RALGPS1: variants seen among roughly 807,000 people sequenced by gnomAD.
RALGPS1 encodes the protein Ral GEF with PH domain and SH3 binding motif 1.
Under a neutral mutation model 78.8 loss-of-function variants are expected in RALGPS1, and 19 were observed. That is an observed-to-expected ratio of 0.24 (90% CI 0.17 to 0.35). RALGPS1 has a LOEUF of 0.35. RALGPS1 is among the 10% of genes least tolerant of loss of function. RALGPS1 has a pLI of 1.00. For missense variants in RALGPS1, 454 were observed against 688.3 expected (o/e 0.66, Z 3.81); for synonymous variants, 228 against 256.3 (o/e 0.89, Z 1.06).
At chr9:126,920,771 C>A (rs1048107877) in intron 1 of RALGPS1, among the ~76,000 whole-genome samples, 21 of 152,164 alleles carry the variant, frequency 1.4e-4, no homozygotes, top group Non-Finnish European at 2.5e-4. Context: ...TTGTCCCTGC[C>A]CTTTGGGATC....
In RALGPS1 at chr9:127,211,285, G is replaced by T. The variant is rs1000414993; in HGVS notation, c.1248-846G>T. On this transcript the variant is annotated intron_variant, in intron 14 of 18. Transcript: ENST00000259351. The surrounding 1 kb of genome is among the most constrained non-coding windows in gnomAD (Gnocchi z 5.0). ...CTGTGGGCAGGTGGAGGAGAGGAGA[G>T]GGGGAGGGTGGAGGCACTGGCCGGT... Among the ~76,000 whole-genome samples, 1 of 152,192 alleles carries T rather than the reference G, an allele frequency of 6.6e-6. No homozygotes were observed. The highest frequency in any genetic ancestry group is 2.4e-5 in the African/African-American group (1 of 41,444).
At chr9:127,202,305 C>G (rs1015248398) in intron 14 of RALGPS1, among the ~76,000 whole-genome samples, 2 of 152,130 alleles carry the variant, frequency 1.3e-5, no homozygotes, top group Non-Finnish European at 2.9e-5. Flanking sequence ...CTCTGCATGC[C>G]CGTCTGGTGA....
At chr9:127,196,411 G>C in intron 12 of RALGPS1, 63 bp from the exon 13 acceptor site, 4 of 1,556,016 alleles carry the variant, frequency 2.6e-6, no homozygotes, top group Non-Finnish European at 3.5e-6. Flanking sequence ...CCCCAGGCAG[G>C]TGTAACCACT....
At chr9:127,135,457 G>C (rs532439117) in intron 8 of RALGPS1, among the ~76,000 whole-genome samples, 15 of 152,106 alleles carry the variant, frequency 9.9e-5, no homozygotes, top group African/African-American at 3.4e-4. Flanking sequence ...CCAGCCCAGA[G>C]CAGGGGCCAG....
At position 127,058,076 on chromosome 9, in the gene RALGPS1, G is replaced by A. The variant is rs536991058; in HGVS notation, c.483+5137G>A. ...CCTGAATGACAAAAAAGAACCAGTC[G>A]TGCCAAGATGAGGGGATGAGTGTTC... On this transcript the variant is annotated intron_variant, in intron 7 of 18. Transcript: ENST00000259351. 2.0e-4 allele frequency among the ~76,000 whole-genome samples: 31 copies of A among 152,280 alleles called. No individual in the cohort carries two copies. The South Asian group carries it at 4.6e-3, about 22-fold the overall frequency.
intron 5 of RALGPS1, among the ~76,000 whole-genome samples, chr9:127,037,343 C>T (rs1342931738): frequency 1.3e-5 from 2 of 152,228 alleles, no homozygotes. Context: ...CTAGGCCGTG[C>T]TGCTAACCTG....
At chr9:126,942,236 A>C (rs1220989494) in intron 1 of RALGPS1, among the ~76,000 whole-genome samples, 11 of 150,822 alleles carry the variant, frequency 7.3e-5, no homozygotes, top group Admixed American at 7.3e-4. Flanking sequence ...TTTTAATTTT[A>C]ATGTAGCTAA....
intron 1 of RALGPS1, among the ~76,000 whole-genome samples, chr9:126,937,067 C>G (rs573591579): frequency 1.3e-5 from 2 of 152,090 alleles, no homozygotes; most frequent in African/African-American, 4.8e-5. Flanking sequence ...CCAGGCTGCT[C>G]TTGAACTCCT....
At chr9:127,011,632 C>T (rs1176083123) in intron 4 of RALGPS1, among the ~76,000 whole-genome samples, 5 of 152,200 alleles carry the variant, frequency 3.3e-5, no homozygotes, top group Non-Finnish European at 4.4e-5. Flanking sequence ...TAACTTCTGA[C>T]TAGGTTTGTG....
intron 8 of RALGPS1, among the ~76,000 whole-genome samples, chr9:127,160,775 A>G (rs1374211750): frequency 1.3e-5 from 2 of 152,308 alleles, no homozygotes; most frequent in East Asian, 3.9e-4. Flanking sequence ...GCAGTCCTGA[A>G]TTCAAATCCT....
chr9:127,203,979 G>A lies in RALGPS1; in HGVS notation c.1247+4913G>A, dbSNP rs184773579. Reference sequence around the variant, plus strand: ...CAGGTCCTCTTCTCTGGAGTTCTCCGTTGACCTCCACAGTGAAAGGCACAG... The same window carrying A: ...CAGGTCCTCTTCTCTGGAGTTCTCCATTGACCTCCACAGTGAAAGGCACAG... On this transcript the variant is annotated intron_variant, in intron 14 of 18. Transcript: ENST00000259351. 8.4e-3 allele frequency among the ~76,000 whole-genome samples: 1,276 copies of A among 152,248 alleles called. 20 individuals are homozygous for A. The highest frequency in any genetic ancestry group is 0.012 in the Non-Finnish European group (785 of 68,002).
intron 7 of RALGPS1, among the ~76,000 whole-genome samples, chr9:127,060,709 G>A (rs1281081176): frequency 1.3e-5 from 2 of 152,080 alleles, no homozygotes; most frequent in Non-Finnish European, 2.9e-5. Flanking sequence ...CGTTACTGGA[G>A]TGATCTCTCC....
chr9:127,095,451 A>G (rs898338165), intron 8 of RALGPS1, among the ~76,000 whole-genome samples: 15 of 152,238 alleles, frequency 9.9e-5, no homozygotes, highest in African/African-American at 2.7e-4. Context: ...GTTAAGGACA[A>G]AAGTGCTAAG....
intron 8 of RALGPS1, among the ~76,000 whole-genome samples, chr9:127,113,987 A>T (rs2055133785): frequency 6.6e-6 from 1 of 152,270 alleles, no homozygotes; most frequent in African/African-American, 2.4e-5. Context: ...CCGGCCTGGG[A>T]TCCTCTTTTG....
Position 127,221,108 on chromosome 9 carries a change from T to C in RALGPS1, c.*2339T>C, listed in dbSNP as rs1299619454. ...GACCACGCCGGAAGAGTCCTGGAGC[T>C]AAAGCTGGAAGACACTCAGCTCTCT... On this transcript the variant is annotated 3_prime_UTR_variant, in exon 19 of 19. Transcript: ENST00000259351. 2 of 152,264 alleles carry C rather than the reference T, an allele frequency of 1.3e-5. No homozygotes were observed. Among genetic ancestry groups the C allele is most frequent in the African/African-American group, 4.8e-5 (2 of 41,458 alleles). The allele number at this position is 152,264 out of a possible 1,614,324, so 9.4% of individuals were successfully genotyped here. A position where few individuals can be genotyped will look rare whatever the true frequency, so the allele number is the denominator to read the frequency against.
At position 127,205,386 on chromosome 9, in the gene RALGPS1, C is replaced by T. The variant is rs1250845403; in HGVS notation, c.1247+6320C>T. 6.6e-6 allele frequency among the ~76,000 whole-genome samples: 1 copy of T among 152,230 alleles called. No individual in the cohort carries two copies. Among genetic ancestry groups the T allele is most frequent in the Non-Finnish European group, 1.5e-5 (1 of 68,036 alleles). On this transcript the variant is annotated intron_variant, in intron 14 of 18. Transcript: ENST00000259351. This position sits in a 1 kb window ranked among gnomAD's most constrained non-coding sequence, Gnocchi z 4.0. ...GATATGTGATCTCTTGCCTTACTCCCTTAGCTCCAAACACTAAAGTCTGGC... is the reference window on the plus strand; with the variant it reads ...GATATGTGATCTCTTGCCTTACTCCTTTAGCTCCAAACACTAAAGTCTGGC...
intron 1 of RALGPS1, among the ~76,000 whole-genome samples, chr9:126,945,412 C>T (rs1218463733): frequency 3.9e-5 from 6 of 152,034 alleles, no homozygotes; most frequent in Non-Finnish European, 8.8e-5. Flanking sequence ...GTTAGCCAGG[C>T]AGATCTCGAA....
chr9:126,999,849 G>C (rs1487640134), intron 4 of RALGPS1, among the ~76,000 whole-genome samples: 1 of 152,238 alleles, frequency 6.6e-6, no homozygotes, highest in African/African-American at 2.4e-5. Context: ...CAATGAGAGT[G>C]ATAGCTAGAT....
Position 127,209,760 on chromosome 9 carries a change from G to A in RALGPS1, c.1248-2371G>A, listed in dbSNP as rs116671136. On this transcript the variant is annotated intron_variant, in intron 14 of 18. Transcript: ENST00000259351. ...AGGACAAAGGCCCCTGGGCAGGTAC[G>A]ATGTACCTGCTGCAATGTGTGAGGG... Among the ~76,000 whole-genome samples the A allele has an allele frequency of 9.7e-3, 1,470 of 152,242 alleles. 24 individuals are homozygous for A. The highest frequency in any genetic ancestry group is 0.033 in the African/African-American group (1,388 of 41,526).
Sources: gnomAD v4.1 joint callset for allele counts (sites outside exome capture counted in the v4.1 genomes callset) on GRCh38, gnomAD v4.1.1 for gene constraint, Gnocchi (gnomAD v3.1) non-coding constraint, MANE v1.5 for transcripts, NCBI Gene and HGNC (gene_info 2026-07-23, HGNC 2026-07-21) for gene names.